The following FRMD3 variants were observed in gnomAD, a reference collection of about 807,000 sequenced individuals.
The protein encoded by FRMD3 is FERM domain containing 3.
In FRMD3, 33 loss-of-function variants were observed where a neutral mutation model predicts 70.2. The observed-to-expected ratio is 0.47, with a 90% CI of 0.36 to 0.63. The LOEUF is 0.63. Ranked by LOEUF, FRMD3 falls within the 20% of genes least tolerant of loss-of-function variation. The pLI is 0.00. For missense variants in FRMD3, 632 were observed against 711.4 expected (o/e 0.89, Z 1.27); for synonymous variants, 279 against 255.9 (o/e 1.09, Z -0.86).
chr9:83,584,309 C>CA, the FRMD3 span, among the ~76,000 whole-genome samples: 1 of 151,842 alleles, frequency 6.6e-6, no homozygotes, highest in Admixed American at 6.6e-5. Context: ...GACTCCATCT[C>CA]AAAAAAATAA....
chr9:83,520,401 G>A (rs1829545774), intron 1 of FRMD3, among the ~76,000 whole-genome samples: 1 of 152,216 alleles, frequency 6.6e-6, no homozygotes, highest in Non-Finnish European at 1.5e-5. Context: ...TGACACAGAT[G>A]TATGTAATGC....
intron 1 of FRMD3, among the ~76,000 whole-genome samples, chr9:83,533,558 T>C (rs1215180223): frequency 6.6e-6 from 1 of 152,200 alleles, no homozygotes; most frequent in Non-Finnish European, 1.5e-5. Flanking sequence ...TGATTCCCGA[T>C]CTAATGCTGG....
chr9:83,440,760 C>G (rs1428653691), intron 1 of FRMD3, among the ~76,000 whole-genome samples: 1 of 152,164 alleles, frequency 6.6e-6, no homozygotes, highest in Non-Finnish European at 1.5e-5. Flanking sequence ...AATCCGTTTT[C>G]TTATCTATCA....
At chr9:83,312,336 A>G (rs1463129825) in intron 7 of FRMD3, among the ~76,000 whole-genome samples, 1 of 152,120 alleles carries the variant, frequency 6.6e-6, no homozygotes, top group Non-Finnish European at 1.5e-5. Context: ...TGCCATTAGC[A>G]CTCTAACGTG....
Position 83,244,847 on chromosome 9 carries a change from A to G in FRMD3, c.*3071T>C. ...AAACCACAAAATATATTCCAAATACATAACATTTTACAATATTTTTCAAGC... is the reference window on the plus strand; with the variant it reads ...AAACCACAAAATATATTCCAAATACGTAACATTTTACAATATTTTTCAAGC... On this transcript the variant is annotated 3_prime_UTR_variant, in exon 14 of 14. Transcript: ENST00000304195. 1.0e-6 allele frequency: 1 copy of G among 984,466 alleles called. No homozygotes were observed. Among genetic ancestry groups the G allele is most frequent in the Non-Finnish European group, 1.2e-6 (1 of 829,118 alleles). The allele number at this position is 984,466 out of a possible 1,614,324, so 61.0% of individuals were successfully genotyped here. A position where few individuals can be genotyped will look rare whatever the true frequency, so the allele number is the denominator to read the frequency against.
At chr9:83,571,151 T>G in the FRMD3 span, among the ~76,000 whole-genome samples, 1 of 152,192 alleles carries the variant, frequency 6.6e-6, no homozygotes, top group South Asian at 2.1e-4. Flanking sequence ...GATTCATTCC[T>G]GCAAAAAAAG....
intron 13 of FRMD3, among the ~76,000 whole-genome samples, chr9:83,282,539 A>ATTTTTTTTTTTTTTTT (rs34420024): frequency 6.7e-6 from 1 of 148,190 alleles, no homozygotes; most frequent in African/African-American, 2.5e-5. Context: ...ACAGTCTTGG[A>ATTTTTTTTTTTTTTTT]TTTTTTTTTT....
Position 83,433,722 on chromosome 9 carries a change from T to C in FRMD3, c.148-44014A>G, listed in dbSNP as rs192973340. ...CAGATCATCAGGCATTAGATTCTCA[T>C]AGGGAATGTGCAACCTAGATCCCTT... On this transcript the variant is annotated intron_variant, in intron 1 of 13. Transcript: ENST00000304195. Among the ~76,000 whole-genome samples the C allele has an allele frequency of 4.0e-5, 6 of 151,164 alleles. No individual in the cohort carries two copies. The East Asian group carries it at 5.9e-4, about 15-fold the overall frequency.
chr9:83,272,067 TCCCTCC>T lies in FRMD3; in HGVS notation c.1195+18530_1195+18535del, dbSNP rs1270314354. ...TAAGTCACTGCTCCTGCTCTCCCTC[TCCCTCC>T]CCCTCCCCCTCTCCCTCCATCTCTG... On this transcript the variant is annotated intron_variant, in intron 13 of 13. Transcript: ENST00000304195. Among the ~76,000 whole-genome samples the T allele has an allele frequency of 4.0e-5, 6 of 151,748 alleles. No individual in the cohort carries two copies. The East Asian group carries it at 7.8e-4, about 20-fold the overall frequency.
At chr9:83,340,354 G>A (rs7047180) in intron 5 of FRMD3, among the ~76,000 whole-genome samples, 1 of 152,162 alleles carries the variant, frequency 6.6e-6, no homozygotes, top group Non-Finnish European at 1.5e-5. Context: ...CTATATAAGA[G>A]GAAATGCACA....
chr9:83,518,671 C>G (rs1829504457), intron 1 of FRMD3, among the ~76,000 whole-genome samples: 1 of 151,880 alleles, frequency 6.6e-6, no homozygotes, highest in South Asian at 2.1e-4. Context: ...AAAAAAGAGC[C>G]TGCATAGTTA....
At chr9:83,422,640 G>A (rs1269844824) in intron 1 of FRMD3, among the ~76,000 whole-genome samples, 1 of 152,152 alleles carries the variant, frequency 6.6e-6, no homozygotes, top group East Asian at 1.9e-4. Flanking sequence ...ATCAGATGGT[G>A]GGAGGGAGGG....
chr9:83,445,197 G>A (rs1827419628), intron 1 of FRMD3, among the ~76,000 whole-genome samples: 1 of 152,140 alleles, frequency 6.6e-6, no homozygotes. Context: ...CCAACATGGT[G>A]AAACCCCGTC....
At chr9:83,321,038 T>G (rs958754996) in intron 6 of FRMD3, among the ~76,000 whole-genome samples, 1 of 152,200 alleles carries the variant, frequency 6.6e-6, no homozygotes, top group African/African-American at 2.4e-5. Context: ...TAATGTCTCC[T>G]TTTTCACTTC....
chr9:83,496,462 C>T (rs577667526), intron 1 of FRMD3, among the ~76,000 whole-genome samples: 5 of 152,180 alleles, frequency 3.3e-5, no homozygotes, highest in African/African-American at 1.2e-4. Context: ...CCCAAACTAC[C>T]CCAATGTTTT....
intron 13 of FRMD3, among the ~76,000 whole-genome samples, chr9:83,265,395 TA>T (rs59688591): frequency 0.17 from 13,152 of 77,136 alleles, 682 homozygotes; most frequent in African/African-American, 0.21. Flanking sequence ...GCGAGACTCT[TA>T]AAAAAAAAAA....
intron 1 of FRMD3, among the ~76,000 whole-genome samples, chr9:83,422,716 A>G (rs1564069962): frequency 6.6e-6 from 1 of 152,236 alleles, no homozygotes; most frequent in Non-Finnish European, 1.5e-5. Flanking sequence ...AGATGTTTGC[A>G]TCATCACTTA....
chr9:83,384,051 T>C (rs557881452), intron 2 of FRMD3, among the ~76,000 whole-genome samples: 2 of 152,338 alleles, frequency 1.3e-5, no homozygotes, highest in South Asian at 4.1e-4. Context: ...TTTCAAGTTA[T>C]CACGATAGTA....
chr9:83,536,841 G>A (rs1829901612), intron 1 of FRMD3, among the ~76,000 whole-genome samples: 2 of 149,808 alleles, frequency 1.3e-5, no homozygotes, highest in Non-Finnish European at 3.0e-5. Context: ...TTCCTTCATG[G>A]TTTGCACAGC....
Sources: gnomAD v4.1 joint callset for allele counts (sites outside exome capture counted in the v4.1 genomes callset) on GRCh38, gnomAD v4.1.1 for gene constraint, MANE v1.5 for transcripts, NCBI Gene and HGNC (gene_info 2026-07-23, HGNC 2026-07-21) for gene names.